Variants in FANCM observed in about 807,000 individuals in gnomAD.
FANCM encodes FA complementation group M, also known as Fanconi anemia group M protein.
A neutral mutation model predicts 199.5 loss-of-function variants in FANCM; 140 were observed. That is an observed-to-expected ratio of 0.70 (90% CI 0.61 to 0.81). The LOEUF is 0.81. Ranked by LOEUF, FANCM falls within the 30% of genes least tolerant of loss-of-function variation. FANCM has a pLI of 0.00. For missense variants in FANCM, 2,410 were observed against 2,421.4 expected (o/e 1.00, Z 0.10); for synonymous variants, 840 against 836.8 (o/e 1.00, Z -0.07).
At position 45,179,138 on chromosome 14, in the gene FANCM, C is replaced by G. The variant is rs1214674500; in HGVS notation, c.4222+2162C>G. ...CACTTGAACCTGGGAGGCAGAGGTTCCAGTGAGCCGAGATCGCGCCACTGT... is the reference window on the plus strand; with the variant it reads ...CACTTGAACCTGGGAGGCAGAGGTTGCAGTGAGCCGAGATCGCGCCACTGT... On this transcript the variant is annotated intron_variant, in intron 14 of 22. Transcript: ENST00000267430. 4.5e-4 allele frequency among the ~76,000 whole-genome samples: 68 copies of G among 152,110 alleles called. 1 individual carries two copies. Among genetic ancestry groups the G allele is most frequent in the Non-Finnish European group, 5.9e-5 (4 of 67,990 alleles).
intron 3 of FANCM, among the ~76,000 whole-genome samples, chr14:45,147,641 C>T (rs920612761): frequency 6.6e-6 from 1 of 152,076 alleles, no homozygotes; most frequent in Non-Finnish European, 1.5e-5. Flanking sequence ...CACCTTTAAT[C>T]CCAGCACTTT....
chr14:45,152,744 A>G (rs1244298209), intron 5 of FANCM, among the ~76,000 whole-genome samples: 1 of 152,220 alleles, frequency 6.6e-6, no homozygotes, highest in East Asian at 1.9e-4. Context: ...GAGTAGCTTT[A>G]AGTATTATAC....
In FANCM at chr14:45,176,806, C is replaced by A; in HGVS notation, c.4052C>A (p.Ser1351Tyr). ...LSKSNTLNSF[S>Y]KIRKEILKTP... is the part of the protein sequence containing the mutation. ...AAATCAAACACATTGAACTCATTTT[C>A]TAAGATAAGAAAGGAAATACTTAAG... The change falls in exon 14 of 23, where the codon TCT (serine) becomes TAT (tyrosine). Residue 1351 changes from serine (S) to tyrosine (Y), a missense_variant. Coordinates refer to ENST00000267430, the MANE Select transcript of FANCM (RefSeq NM_020937.4). 1 of 1,606,418 alleles carries A rather than the reference C, an allele frequency of 6.2e-7. No homozygotes were observed. The highest frequency in any genetic ancestry group is 8.5e-7 in the Non-Finnish European group (1 of 1,176,498).
In FANCM at chr14:45,156,085, G is replaced by C. The variant is rs546376552; in HGVS notation, c.1396+626G>C. On this transcript the variant is annotated intron_variant, in intron 8 of 22. Transcript: ENST00000267430. ...AGAGAGAGAGTTATAGAGGAGTGCT[G>C]TTTTATATAGCATGGTTATAGAAGA... 2.4e-4 allele frequency among the ~76,000 whole-genome samples: 37 copies of C among 152,300 alleles called. No homozygotes were observed. In the South Asian group the frequency reaches 7.5e-3, roughly 31 times the overall value.
Position 45,175,384 on chromosome 14 carries a change from C to CT in FANCM, c.2631dup (p.Val878CysfsTer3). 3 of 1,562,774 alleles carry CT rather than the reference C, an allele frequency of 1.9e-6. No homozygotes were observed. Among genetic ancestry groups the CT allele is most frequent in the Non-Finnish European group, 1.7e-6 (2 of 1,149,620 alleles). Reference sequence around the variant, plus strand: ...GAAAATAATCACGGTATTATAGATTCTGTAGATAATGACAGAAATTCCACT... The same window carrying CT: ...GAAAATAATCACGGTATTATAGATTCTTGTAGATAATGACAGAAATTCCACT... On this transcript the variant is annotated frameshift_variant, in exon 14 of 23. Transcript: ENST00000267430. LOFTEE classifies it high-confidence loss of function.
In FANCM at chr14:45,200,025, G is replaced by C. The variant is rs539718841; in HGVS notation, c.*17G>C. The C allele has an allele frequency of 5.0e-6, 8 of 1,595,620 alleles. No homozygotes were observed. The South Asian group carries it at 8.9e-5, about 18-fold the overall frequency. ...GATATATAATCAAGCTGCTCAAGATGGGGTTTTCAAAGACCTCTCACAATA... is the reference window on the plus strand; with the variant it reads ...GATATATAATCAAGCTGCTCAAGATCGGGTTTTCAAAGACCTCTCACAATA... On this transcript the variant is annotated 3_prime_UTR_variant, in exon 23 of 23. Coordinates refer to ENST00000267430, the MANE Select transcript of FANCM (RefSeq NM_020937.4).
intron 9 of FANCM, among the ~76,000 whole-genome samples, 184 bp downstream of exon 9, chr14:45,159,464 T>C (rs1190540324): frequency 6.7e-6 from 1 of 148,474 alleles, no homozygotes. Flanking sequence ...TTTTGGAACT[T>C]TTTTTTTTTT....
intron 11 of FANCM, among the ~76,000 whole-genome samples, chr14:45,169,273 A>G (rs1455499036): frequency 3.3e-5 from 5 of 151,852 alleles, no homozygotes; most frequent in African/African-American, 1.2e-4. Context: ...TCGAAATCTT[A>G]GAGTCTCTGG....
At position 45,175,643 on chromosome 14, in the gene FANCM, C is replaced by T. The variant is rs544323144; in HGVS notation, c.2889C>T (p.Phe963=). 76 of 1,612,152 alleles carry T rather than the reference C, an allele frequency of 4.7e-5. 1 individual carries two copies. The highest frequency in any genetic ancestry group is 6.7e-5 in the East Asian group (3 of 44,836). Residue 963 remains phenylalanine, a synonymous_variant, in exon 14 of 23, where the codon TTC becomes TTT. Transcript: ENST00000267430. ...KSVSSNLFLP[F]EEELYIVRTD... ...TTTCATCTAACTTATTTCTTCCATTCGAAGAAGAGCTTTATATTGTTAGAA... is the reference window on the plus strand; with the variant it reads ...TTTCATCTAACTTATTTCTTCCATTTGAAGAAGAGCTTTATATTGTTAGAA...
intron 20 of FANCM, among the ~76,000 whole-genome samples, chr14:45,193,379 C>T (rs1449231927): frequency 6.6e-6 from 1 of 152,182 alleles, no homozygotes; most frequent in South Asian, 2.1e-4. Context: ...TTCCATACTC[C>T]TAGTGCTCCC....
At chr14:45,188,198 G>T (rs1009668989) in intron 19 of FANCM, among the ~76,000 whole-genome samples, 1 of 152,148 alleles carries the variant, frequency 6.6e-6, no homozygotes, top group Non-Finnish European at 1.5e-5. Flanking sequence ...AATTAGCCAG[G>T]CATGGTGGCA....
intron 22 of FANCM, 72 bp downstream of exon 22, chr14:45,199,007 G>A (rs1890224363): frequency 1.6e-6 from 2 of 1,285,642 alleles, no homozygotes; most frequent in Non-Finnish European, 2.2e-6. Flanking sequence ...GAAGTTTAAT[G>A]TTAAAAAAAT....
intron 10 of FANCM, 63 bp from the exon 11 acceptor site, chr14:45,166,887 G>A (rs1888015008): frequency 2.1e-6 from 2 of 945,674 alleles, no homozygotes; most frequent in African/African-American, 1.7e-5. Flanking sequence ...ATAATTGCTT[G>A]TTATGGATAA....
chr14:45,182,901 A>G (rs1889158505), intron 16 of FANCM, among the ~76,000 whole-genome samples: 1 of 152,190 alleles, frequency 6.6e-6, no homozygotes, highest in Admixed American at 6.5e-5. Context: ...CACAAAGCTT[A>G]TTTTATAATA....
In FANCM at chr14:45,181,170, A is replaced by G. The variant is rs778362440; in HGVS notation, c.4223-260A>G. ...GTGTTTTTCTGGCCTCATTTCAGTT[A>G]ATTTATAAAATTGAACTTCATTCAA... On this transcript the variant is annotated intron_variant, in intron 14 of 22. Coordinates refer to ENST00000267430, the MANE Select transcript of FANCM (RefSeq NM_020937.4). Among the ~76,000 whole-genome samples, 25 of 152,172 alleles carry G rather than the reference A, an allele frequency of 1.6e-4. 1 individual carries two copies. Among genetic ancestry groups the G allele is most frequent in the Admixed American group, 3.9e-4 (6 of 15,280 alleles).
At chr14:45,147,402 C>T (rs1372978478) in intron 3 of FANCM, among the ~76,000 whole-genome samples, 1 of 151,896 alleles carries the variant, frequency 6.6e-6, no homozygotes, top group African/African-American at 2.4e-5. Context: ...GCCTAGAACT[C>T]CTGTGTTCAA....
chr14:45,166,682 G>A (rs1887998188), intron 10 of FANCM, among the ~76,000 whole-genome samples: 1 of 151,670 alleles, frequency 6.6e-6, no homozygotes, highest in Non-Finnish European at 1.5e-5. Context: ...AGGCTAAAGT[G>A]GGAGGATCGC....
At chr14:45,160,773 C>T (rs1415603262) in intron 9 of FANCM, among the ~76,000 whole-genome samples, 2 of 151,498 alleles carry the variant, frequency 1.3e-5, no homozygotes, top group Non-Finnish European at 2.9e-5. Context: ...CATCTCCTGA[C>T]CTCGTGATCC....
At position 45,175,716 on chromosome 14, in the gene FANCM, G is replaced by A. The variant is rs1454000944; in HGVS notation, c.2962G>A (p.Ala988Thr). 13 of 1,613,844 alleles carry A rather than the reference G, an allele frequency of 8.1e-6. No individual in the cohort carries two copies. Among genetic ancestry groups the A allele is most frequent in the Non-Finnish European group, 1.0e-5 (12 of 1,179,888 alleles). Reference sequence around the variant, plus strand: ...TCACTCATTGACAAAAGAGGTACTAGCTAATGTAGAGAGATTTTTATCTTA... The same window carrying A: ...TCACTCATTGACAAAAGAGGTACTAACTAATGTAGAGAGATTTTTATCTTA... ...NCHSLTKEVL[A>T]NVERFLSYSP... The change falls in exon 14 of 23, where the codon GCT becomes ACT. Residue 988 changes from alanine (A) to threonine (T), a missense_variant. Transcript: ENST00000267430.
Sources: allele counts gnomAD v4.1 joint callset (sites outside exome capture counted in the v4.1 genomes callset), GRCh38; gene constraint gnomAD v4.1.1; transcripts MANE v1.5; gene names NCBI Gene and HGNC (gene_info 2026-07-23, HGNC 2026-07-21).